NXPE2: variants seen among roughly 807,000 people sequenced by gnomAD.
The protein encoded by NXPE2 is NXPE family member 2.
A neutral mutation model predicts 34.4 loss-of-function variants in NXPE2; 34 were observed. The ratio of observed to expected loss-of-function variants is 0.99; its 90% CI spans 0.75 to 1.31. The LOEUF (loss-of-function observed/expected upper bound fraction) is 1.31. Ranked by LOEUF, NXPE2 falls within the 40% of genes most tolerant of loss-of-function variation. NXPE2 has a pLI of 0.00. For missense variants in NXPE2, 649 were observed against 672.5 expected, an observed-to-expected ratio of 0.97 and a Z score of 0.39; for synonymous variants, 235 against 231.3, an observed-to-expected ratio of 1.02 and a Z score of -0.15.
the NXPE2 span, among the ~76,000 whole-genome samples, chr11:114,746,904 A>G: frequency 6.9e-6 from 1 of 145,306 alleles, no homozygotes; most frequent in Non-Finnish European, 1.5e-5. Context: ...AAAAAACCCC[A>G]CAAAGAACAC....
At chr11:114,703,372 T>C (rs1341600913) in intron 3 of NXPE2, among the ~76,000 whole-genome samples, 1 of 152,234 alleles carries the variant, frequency 6.6e-6, no homozygotes, top group Non-Finnish European at 1.5e-5. Flanking sequence ...GTTCTCAAAG[T>C]AATGTCCGTA....
At chr11:114,509,424 T>C in the NXPE2 span, among the ~76,000 whole-genome samples, 1 of 152,188 alleles carries the variant, frequency 6.6e-6, no homozygotes, top group East Asian at 1.9e-4. Flanking sequence ...TTACTGGGTG[T>C]ATACCCAAAG....
the NXPE2 span, among the ~76,000 whole-genome samples, chr11:114,804,441 A>T: frequency 4.1e-4 from 63 of 152,362 alleles, 1 homozygote; most frequent in Middle Eastern, 3.4e-3. Flanking sequence ...TGAAGAGGAC[A>T]ACATCAATAG....
At chr11:114,719,091 T>C in the NXPE2 span, among the ~76,000 whole-genome samples, 2 of 152,180 alleles carry the variant, frequency 1.3e-5, no homozygotes, top group East Asian at 3.9e-4. Context: ...ATCTGTTCCT[T>C]GTATTATTAG....
At chr11:114,712,547 A>G in the NXPE2 span, among the ~76,000 whole-genome samples, 3 of 152,236 alleles carry the variant, frequency 2.0e-5, no homozygotes, top group East Asian at 5.8e-4. Flanking sequence ...AGGGAACTGC[A>G]AATCAAAATT....
chr11:114,520,475 A>G, the NXPE2 span, among the ~76,000 whole-genome samples: 3 of 152,186 alleles, frequency 2.0e-5, no homozygotes, highest in Non-Finnish European at 2.9e-5. Context: ...ATGATATTCC[A>G]TTGTACATAT....
At chr11:114,644,134 A>T in the NXPE2 span, among the ~76,000 whole-genome samples, 1 of 152,170 alleles carries the variant, frequency 6.6e-6, no homozygotes, top group East Asian at 1.9e-4. Flanking sequence ...GAAGTTGCTT[A>T]TCAGCTTAAG....
the NXPE2 span, among the ~76,000 whole-genome samples, chr11:114,499,968 A>G: frequency 6.7e-6 from 1 of 149,782 alleles, no homozygotes; most frequent in Non-Finnish European, 1.5e-5. Context: ...TTTTTTTTTA[A>G]TTGCTGAGTA....
the NXPE2 span, among the ~76,000 whole-genome samples, chr11:114,782,102 A>C: frequency 2.6e-5 from 4 of 152,224 alleles, no homozygotes; most frequent in Admixed American, 1.3e-4. Context: ...TACAATGTAA[A>C]TGCTATGTAA....
At chr11:114,789,506 CTT>C in the NXPE2 span, among the ~76,000 whole-genome samples, 3 of 152,238 alleles carry the variant, frequency 2.0e-5, no homozygotes, top group Non-Finnish European at 4.4e-5. Flanking sequence ...TTGAACACAG[CTT>C]TGTACCAGGC....
At chr11:114,629,315 A>G in the NXPE2 span, among the ~76,000 whole-genome samples, 1 of 152,112 alleles carries the variant, frequency 6.6e-6, no homozygotes, top group South Asian at 2.1e-4. Context: ...CAAAAAGCTT[A>G]TCCACCATGA....
chr11:114,589,472 C>T, the NXPE2 span, among the ~76,000 whole-genome samples: 1 of 152,076 alleles, frequency 6.6e-6, no homozygotes, highest in Admixed American at 6.5e-5. Context: ...TTTCTCAACC[C>T]CTTAGGTGCA....
chr11:114,487,212 T>G, the NXPE2 span, among the ~76,000 whole-genome samples: 2 of 152,108 alleles, frequency 1.3e-5, no homozygotes, highest in Non-Finnish European at 2.9e-5. Context: ...CTTTCACTTC[T>G]TTGGTTAAAT....
the NXPE2 span, among the ~76,000 whole-genome samples, chr11:114,605,258 C>T: frequency 2.6e-5 from 4 of 151,682 alleles, no homozygotes; most frequent in Admixed American, 6.6e-5. Flanking sequence ...AGTACAGCCT[C>T]GTGGGAAACC....
chr11:114,598,617 G>T, the NXPE2 span, among the ~76,000 whole-genome samples: 2 of 152,202 alleles, frequency 1.3e-5, no homozygotes, highest in Non-Finnish European at 2.9e-5. Context: ...AGCCACCAAG[G>T]CTTATGGCTT....
the NXPE2 span, among the ~76,000 whole-genome samples, chr11:114,663,586 CATCT>C: frequency 0.025 from 3,369 of 132,928 alleles, 54 homozygotes; most frequent in African/African-American, 0.048. Context: ...CTCTATCTAT[CATCT>C]ATCTATCTAT....
chr11:114,752,842 G>A, the NXPE2 span, among the ~76,000 whole-genome samples: 5 of 152,188 alleles, frequency 3.3e-5, no homozygotes, highest in Non-Finnish European at 5.9e-5. Flanking sequence ...GTACAAGAAA[G>A]AGGCAAGCTT....
chr11:114,591,090 C>T, the NXPE2 span, among the ~76,000 whole-genome samples: 1 of 152,160 alleles, frequency 6.6e-6, no homozygotes, highest in Non-Finnish European at 1.5e-5. Context: ...GGACCATCTT[C>T]ACAGATGGCA....
At chr11:114,569,599 A>G in the NXPE2 span, among the ~76,000 whole-genome samples, 1 of 152,052 alleles carries the variant, frequency 6.6e-6, no homozygotes, top group African/African-American at 2.4e-5. Context: ...ACCACATGAG[A>G]CCCAGAGAGC....
Sources: allele counts gnomAD v4.1 joint callset (sites outside exome capture counted in the v4.1 genomes callset), GRCh38; gene constraint gnomAD v4.1.1; transcripts MANE v1.5; gene names NCBI Gene and HGNC (gene_info 2026-07-23, HGNC 2026-07-21).